Variants in TCF4 observed in about 807,000 individuals in gnomAD.
TCF4 encodes the protein SL3-3 enhancer factor 2.
A neutral mutation model predicts 82.1 loss-of-function variants in TCF4; 3 were observed. The ratio of observed to expected loss-of-function variants is 0.04; its 90% CI spans 0.02 to 0.09. TCF4 has a LOEUF of 0.09. Among genes scored for constraint, TCF4 ranks in the 10% least tolerant of loss-of-function variants. The pLI, the probability that TCF4 is intolerant of heterozygous loss-of-function variation, is 1.00. For missense variants in TCF4, 518 were observed against 852.7 expected (o/e 0.61, Z 4.89); for synonymous variants, 276 against 309.6 (o/e 0.89, Z 1.14).
chr18:55,471,391 C>T (rs76279974), intron 3 of TCF4, among the ~76,000 whole-genome samples: 9,761 of 152,182 alleles, frequency 0.064, 545 homozygotes, highest in South Asian at 0.18. Context: ...TGTGTCAATG[C>T]TTCCCACACA....
chr18:55,545,906 T>C (rs1212710217), intron 3 of TCF4, among the ~76,000 whole-genome samples: 1 of 152,218 alleles, frequency 6.6e-6, no homozygotes. Context: ...ATAATTTCAC[T>C]CATAGGTTCT....
chr18:55,548,512 C>T (rs903522792), intron 3 of TCF4, among the ~76,000 whole-genome samples: 1 of 152,174 alleles, frequency 6.6e-6, no homozygotes, highest in African/African-American at 2.4e-5. Flanking sequence ...TCTAAAACTA[C>T]TAAACCAATG....
intron 5 of TCF4, among the ~76,000 whole-genome samples, chr18:55,440,747 C>T (rs755322555): frequency 6.6e-6 from 1 of 152,196 alleles, no homozygotes; most frequent in Non-Finnish European, 1.5e-5. Flanking sequence ...CTCTATAACA[C>T]TTGATGTCAA....
intron 3 of TCF4, among the ~76,000 whole-genome samples, chr18:55,486,424 T>C (rs2096515560): frequency 6.6e-6 from 1 of 152,040 alleles, no homozygotes; most frequent in Non-Finnish European, 1.5e-5. Flanking sequence ...AAATTCCATC[T>C]CTACTAAAAA....
At chr18:55,471,401 A>T (rs2096175702) in intron 3 of TCF4, among the ~76,000 whole-genome samples, 1 of 152,152 alleles carries the variant, frequency 6.6e-6, no homozygotes, top group Non-Finnish European at 1.5e-5. Context: ...CTTCCCACAC[A>T]AATGTTAAGA....
intron 15 of TCF4, among the ~76,000 whole-genome samples, chr18:55,237,501 G>A (rs1167260497): frequency 1.6e-5 from 2 of 121,840 alleles, no homozygotes; most frequent in Admixed American, 9.6e-5. Flanking sequence ...ACAGAGTCTT[G>A]CTCTGTCACC....
rs867214369 is a variant in TCF4, at chr18:55,463,977, T to TGTGTGTGTGA, written c.207+98_207+99insTCACACACAC. ...GTGTGTGTGTGTGTGTGTGTGTGTG[T>TGTGTGTGTGA]GAGAGAGAGAGAGAGAGAGAGAGAG... On this transcript the variant is annotated intron_variant, in intron 4 of 19. Transcript: ENST00000354452. 33 of 303,756 alleles carry TGTGTGTGTGA rather than the reference T, an allele frequency of 1.1e-4. No homozygotes were observed. The South Asian group carries it at 1.4e-3, about 13-fold the overall frequency. The allele number at this position is 303,756 out of a possible 1,614,324, so 18.8% of individuals were successfully genotyped here.
In TCF4 at chr18:55,476,412, G is replaced by T. The variant is rs2096289178; in HGVS notation, c.146-12275C>A. 2.0e-5 allele frequency among the ~76,000 whole-genome samples: 3 copies of T among 152,096 alleles called. No homozygotes were observed. The South Asian group carries it at 6.2e-4, about 32-fold the overall frequency. ...AGTTAACTTGTTATAATCAATATAA[G>T]GTAGAAACAGTCCCTTTAACCTTTA... On this transcript the variant is annotated intron_variant, in intron 3 of 19. Transcript: ENST00000354452.
chr18:55,275,892 G>T, intron 9 of TCF4, 140 bp from the exon 10 acceptor site: 1 of 1,075,984 alleles, frequency 9.3e-7, no homozygotes, highest in Non-Finnish European at 1.4e-6. Flanking sequence ...TCAGAAGACA[G>T]TCATCATTTC....
chr18:55,417,325 G>A (rs2094558503), intron 5 of TCF4, among the ~76,000 whole-genome samples: 1 of 152,120 alleles, frequency 6.6e-6, no homozygotes, highest in Non-Finnish European at 1.5e-5. Context: ...ACCTGCAGCT[G>A]CATTTTTAAA....
intron 3 of TCF4, among the ~76,000 whole-genome samples, chr18:55,529,962 G>A (rs1169355007): frequency 6.6e-6 from 1 of 152,090 alleles, no homozygotes; most frequent in Non-Finnish European, 1.5e-5. Flanking sequence ...TGCCAAGCAC[G>A]CAAGCAGAGA....
intron 3 of TCF4, among the ~76,000 whole-genome samples, chr18:55,547,541 T>G (rs1426912204): frequency 6.6e-6 from 1 of 152,010 alleles, no homozygotes; most frequent in Non-Finnish European, 1.5e-5. Context: ...GTGTGAAGAG[T>G]GTAAGGATCA....
intron 2 of TCF4, among the ~76,000 whole-genome samples, chr18:55,616,685 T>G (rs1568495705): frequency 6.6e-6 from 1 of 152,118 alleles, no homozygotes; most frequent in Admixed American, 6.6e-5. Context: ...CTCATTTGCA[T>G]TCTCTTGATG....
intron 8 of TCF4, among the ~76,000 whole-genome samples, chr18:55,333,342 C>A (rs925398328): frequency 6.6e-6 from 1 of 151,692 alleles, no homozygotes; most frequent in Non-Finnish European, 1.5e-5. Context: ...TTTCTTTCTA[C>A]AAAATTTCAA....
chr18:55,274,510 G>A (rs2061067432), intron 10 of TCF4, among the ~76,000 whole-genome samples: 1 of 152,162 alleles, frequency 6.6e-6, no homozygotes, highest in African/African-American at 2.4e-5. Flanking sequence ...TAGGAGATCA[G>A]ATCCTGTTTC....
chr18:55,326,431 A>AAAAAAAC (rs2076574307), intron 8 of TCF4, among the ~76,000 whole-genome samples: 1 of 139,624 alleles, frequency 7.2e-6, no homozygotes, highest in African/African-American at 2.8e-5. Context: ...AAAAAAAAAA[A>AAAAAAAC]TCTCCACCTA....
Position 55,365,450 on chromosome 18 carries a change from A to G in TCF4, c.370-14447T>C, listed in dbSNP as rs370922238. On this transcript the variant is annotated intron_variant, in intron 6 of 19. Coordinates refer to ENST00000354452, the MANE Select transcript of TCF4 (RefSeq NM_001083962.2). ...GTGAGAACAACTTCAGAGTGGGTCA[A>G]TTCCACAAAGCAGAGTGGCAAAAGC... is the stretch of plus-strand genomic sequence containing the variant. 5.3e-5 allele frequency among the ~76,000 whole-genome samples: 8 copies of G among 151,868 alleles called. No homozygotes were observed. The East Asian group carries it at 1.4e-3, about 26-fold the overall frequency.
At chr18:55,590,591 A>G (rs1167790812), upstream of TCF4, among the ~76,000 whole-genome samples, 1 of 152,244 alleles carries the variant, frequency 6.6e-6, no homozygotes, top group Non-Finnish European at 1.5e-5. Flanking sequence ...AGATGAAGCC[A>G]CCACGAAAGA....
At chr18:55,461,414 A>T (rs1356232712) in intron 4 of TCF4, among the ~76,000 whole-genome samples, 2 of 152,252 alleles carry the variant, frequency 1.3e-5, no homozygotes, top group African/African-American at 4.8e-5. Context: ...GTAAGACACC[A>T]GACACATACA....
Sources: allele counts gnomAD v4.1 joint callset (sites outside exome capture counted in the v4.1 genomes callset), GRCh38; gene constraint gnomAD v4.1.1; transcripts MANE v1.5; gene names NCBI Gene and HGNC (gene_info 2026-07-23, HGNC 2026-07-21).